The following SLC4A10 variants were observed in gnomAD, a reference collection of about 807,000 sequenced individuals.
The protein encoded by SLC4A10 is sodium-driven chloride bicarbonate exchanger.
Under a neutral mutation model 137.7 loss-of-function variants are expected in SLC4A10, and 42 were observed. The observed-to-expected ratio is 0.30, with a 90% CI of 0.24 to 0.39. The LOEUF (loss-of-function observed/expected upper bound fraction) is 0.39. SLC4A10 is among the 10% of genes least tolerant of loss of function. The probability of loss-of-function intolerance (pLI) is 1.00; values close to 1 mark genes in which losing one functional copy is unlikely to be tolerated. For synonymous variants in SLC4A10, 474 were observed against 464.1 expected (o/e 1.02, Z -0.27); for missense variants, 925 against 1,355.0 (o/e 0.68, Z 4.98).
At chr2:161,801,030 T>G (rs2055315950) in intron 2 of SLC4A10, among the ~76,000 whole-genome samples, 1 of 151,936 alleles carries the variant, frequency 6.6e-6, no homozygotes, top group Admixed American at 6.6e-5. Context: ...ACTTAGAAAA[T>G]TGATTTTTGG....
At chr2:161,728,765 C>A (rs1471598496) in intron 1 of SLC4A10, among the ~76,000 whole-genome samples, 1 of 152,072 alleles carries the variant, frequency 6.6e-6, no homozygotes. Context: ...AGAAAATGTG[C>A]AAACTAATAT....
At chr2:161,938,853 C>T (rs1692109247) in intron 15 of SLC4A10, among the ~76,000 whole-genome samples, 1 of 151,190 alleles carries the variant, frequency 6.6e-6, no homozygotes, top group African/African-American at 2.4e-5. Flanking sequence ...CAAAATAGTC[C>T]ATACATATCC....
intron 1 of SLC4A10, among the ~76,000 whole-genome samples, chr2:161,698,539 G>A (rs2042782882): frequency 6.6e-6 from 1 of 152,112 alleles, no homozygotes; most frequent in South Asian, 2.1e-4. Context: ...TTTGTCAAAG[G>A]CCTTTTCTGC....
chr2:161,828,753 T>C (rs1242821378), intron 3 of SLC4A10, among the ~76,000 whole-genome samples: 7 of 111,740 alleles, frequency 6.3e-5, no homozygotes, highest in Non-Finnish European at 1.1e-4. Context: ...TTTTCCTTGG[T>C]TTTAATTCTA....
intron 3 of SLC4A10, among the ~76,000 whole-genome samples, chr2:161,835,256 C>G (rs1406764150): frequency 6.6e-6 from 1 of 152,100 alleles, no homozygotes; most frequent in Non-Finnish European, 1.5e-5. Context: ...CCAGGCTGGT[C>G]TTGAACTCCT....
intron 1 of SLC4A10, chr2:161,709,657 G>T (rs572519589): frequency 4.6e-5 from 7 of 151,530 alleles, no homozygotes; most frequent in Admixed American, 2.0e-4. Flanking sequence ...ACATGCAAAT[G>T]ATTTGGATTT....
At chr2:161,823,753 A>C (rs2057814169) in intron 3 of SLC4A10, among the ~76,000 whole-genome samples, 1 of 152,370 alleles carries the variant, frequency 6.6e-6, no homozygotes, top group Admixed American at 6.5e-5. Context: ...TTTTTGTAAG[A>C]GAAAGGATAT....
In SLC4A10 at chr2:161,624,512, A is replaced by T. The variant is rs1348237329; in HGVS notation, c.-7A>T. On this transcript the variant is annotated 5_prime_UTR_variant, in exon 1 of 27. Coordinates refer to ENST00000446997, the MANE Select transcript of SLC4A10 (RefSeq NM_001178015.2). ...GCAAGGTGCTTATTCCAGAGGCGTT[A>T]CAAAACATGGAGATTAAAGACCAGG... 1 of 1,553,538 alleles carries T rather than the reference A, an allele frequency of 6.4e-7. No individual in the cohort carries two copies. Among genetic ancestry groups the T allele is most frequent in the Non-Finnish European group, 8.7e-7 (1 of 1,148,096 alleles).
At chr2:161,656,063 C>T (rs757325535) in intron 1 of SLC4A10, among the ~76,000 whole-genome samples, 13 of 152,068 alleles carry the variant, frequency 8.5e-5, no homozygotes, top group South Asian at 2.1e-4. Context: ...CCAACCCCCT[C>T]GGCCTCCCAA....
chr2:161,889,519 A>G (rs933158301), intron 10 of SLC4A10, among the ~76,000 whole-genome samples: 2 of 152,038 alleles, frequency 1.3e-5, no homozygotes, highest in Admixed American at 6.6e-5. Context: ...GGGAGAGTGT[A>G]TGTGTTCAGG....
intron 9 of SLC4A10, among the ~76,000 whole-genome samples, chr2:161,880,834 C>A (rs2125967192): frequency 6.6e-6 from 1 of 152,072 alleles, no homozygotes; most frequent in South Asian, 2.1e-4. Flanking sequence ...GAACTATGAG[C>A]AAATGATGGC....
intron 5 of SLC4A10, among the ~76,000 whole-genome samples, chr2:161,855,742 A>G (rs1234025658): frequency 6.6e-6 from 1 of 152,100 alleles, no homozygotes; most frequent in Non-Finnish European, 1.5e-5. Flanking sequence ...GTATCTTTTG[A>G]CCAGAAGGCA....
At chr2:161,876,234 C>T (rs1419997032) in intron 8 of SLC4A10, among the ~76,000 whole-genome samples, 3 of 152,124 alleles carry the variant, frequency 2.0e-5, no homozygotes, top group Non-Finnish European at 4.4e-5. Flanking sequence ...TCCAGGATTT[C>T]CTTCTTGTCC....
chr2:161,799,788 G>A lies in SLC4A10; in HGVS notation c.131-4661G>A, dbSNP rs184857784. On this transcript the variant is annotated intron_variant, in intron 2 of 26. Coordinates refer to ENST00000446997, the MANE Select transcript of SLC4A10 (RefSeq NM_001178015.2). ...AATGAAGTTTTTGGATCAAGACAGA[G>A]AATTATTATTACTTATAGCAATAAC... Among the ~76,000 whole-genome samples, 381 of 151,948 alleles carry A rather than the reference G, an allele frequency of 2.5e-3. 1 individual carries two copies. Among genetic ancestry groups the A allele is most frequent in the Non-Finnish European group, 3.7e-3 (254 of 67,884 alleles).
chr2:161,867,984 G>T (rs946317231), intron 6 of SLC4A10, among the ~76,000 whole-genome samples: 1 of 151,860 alleles, frequency 6.6e-6, no homozygotes, highest in Non-Finnish European at 1.5e-5. Context: ...TAATAGTAAT[G>T]TACCTCCATG....
At chr2:161,923,181 T>C (rs1286962251) in intron 15 of SLC4A10, among the ~76,000 whole-genome samples, 1 of 152,238 alleles carries the variant, frequency 6.6e-6, no homozygotes, top group African/African-American at 2.4e-5. Context: ...TCTGTAGCCA[T>C]TTATATAAAC....
chr2:161,637,157 A>G (rs1436796789), intron 1 of SLC4A10, among the ~76,000 whole-genome samples: 1 of 148,696 alleles, frequency 6.7e-6, no homozygotes, highest in African/African-American at 2.5e-5. Flanking sequence ...ATATAGATAT[A>G]TACGTATATA....
chr2:161,791,191 C>T (rs2054167367), intron 2 of SLC4A10, among the ~76,000 whole-genome samples: 2 of 152,072 alleles, frequency 1.3e-5, no homozygotes, highest in Non-Finnish European at 2.9e-5. Flanking sequence ...GTGCTATTCA[C>T]AATAGCAAAG....
chr2:161,972,268 G>A (rs550630403), intron 23 of SLC4A10, among the ~76,000 whole-genome samples: 100 of 152,158 alleles, frequency 6.6e-4, no homozygotes, highest in African/African-American at 2.0e-3. Flanking sequence ...GAACCTCCAT[G>A]TACCTTAAGA....
Sources: allele counts gnomAD v4.1 joint callset (sites outside exome capture counted in the v4.1 genomes callset), GRCh38; gene constraint gnomAD v4.1.1; transcripts MANE v1.5; gene names NCBI Gene and HGNC (gene_info 2026-07-23, HGNC 2026-07-21).